LY6E: variants seen among roughly 807,000 people sequenced by gnomAD.
LY6E encodes lymphocyte antigen 6 family member E, also known as lymphocyte antigen 6E.
In LY6E, 4 loss-of-function variants were observed where a neutral mutation model predicts 7.7. The ratio of observed to expected loss-of-function variants is 0.52; its 90% CI spans 0.25 to 1.18. LY6E has a LOEUF of 1.18. LY6E is among the 50% of genes most tolerant of loss of function. The pLI is 0.14. For synonymous variants in LY6E, 81 were observed against 80.1 expected, an observed-to-expected ratio of 1.01 and a Z score of -0.06; for missense variants, 156 against 168.0, an observed-to-expected ratio of 0.93 and a Z score of 0.40.
Position 143,021,612 on chromosome 8 carries a change from G to C in LY6E, c.219G>C (p.Pro73=), listed in dbSNP as rs777002102. Residue 73 remains proline (P), a synonymous_variant, in exon 4 of 4, where the codon CCG becomes CCC. Transcript: ENST00000292494. The stretch of plus-strand genomic sequence containing the variant: ...ACAGCCTGAGCAAGACCTGTTCCCC[G>C]GCCTGCCCCATCCCAGAAGGCGTCA... ...FGHSLSKTCS[P]ACPIPEGVNV... is the part of the protein sequence containing the mutation. 6.2e-7 allele frequency: 1 copy of C among 1,613,998 alleles called. No individual in the cohort carries two copies. Among genetic ancestry groups the C allele is most frequent in the Admixed American group, 1.7e-5 (1 of 60,018 alleles).
chr8:143,019,583 G>A (rs1048637639), intron 1 of LY6E, among the ~76,000 whole-genome samples: 10 of 152,230 alleles, frequency 6.6e-5, no homozygotes, highest in African/African-American at 1.4e-4. Flanking sequence ...TGGAGGCGGG[G>A]ATAGGCCCCA....
At chr8:143,019,497 C>T (rs1420334819) in intron 1 of LY6E, among the ~76,000 whole-genome samples, 1 of 152,180 alleles carries the variant, frequency 6.6e-6, no homozygotes, top group African/African-American at 2.4e-5. Flanking sequence ...GCTCAGGGAC[C>T]CCCCCACACC....
intron 1 of LY6E, among the ~76,000 whole-genome samples, chr8:143,019,814 C>T (rs1383925541): frequency 1.3e-5 from 2 of 152,230 alleles, no homozygotes; most frequent in Admixed American, 6.5e-5. Flanking sequence ...CTGTCCCTGA[C>T]AGAAGGCAGC....
At position 143,021,007 on chromosome 8, in the gene LY6E, G is replaced by T; in HGVS notation, c.52+16G>T. ...GTGGAGCGAGGTGAGGTGCCCTTGG[G>T]GACCCCAGACCTTTGTCCAGCTGTG... On this transcript the variant is annotated intron_variant, in intron 2 of 3. Transcript: ENST00000292494. 7 of 1,581,496 alleles carry T rather than the reference G, an allele frequency of 4.4e-6. No individual in the cohort carries two copies. The highest frequency in any genetic ancestry group is 6.0e-6 in the Non-Finnish European group (7 of 1,164,098).
rs1419704405 is a variant in LY6E, at chr8:143,021,930, C to T, written c.*141C>T. 3 of 724,856 alleles carry T rather than the reference C, an allele frequency of 4.1e-6. No individual in the cohort carries two copies. Among genetic ancestry groups the T allele is most frequent in the Non-Finnish European group, 6.7e-6 (3 of 450,496 alleles). 44.9% of individuals were successfully genotyped at this position (724,856 alleles called of 1,614,324 possible). ...CCCAGGTCAGGCCCACCCCCTGCAC[C>T]TCCACCTGCCCCAGCCCCTGCCTCT... On this transcript the variant is annotated 3_prime_UTR_variant, in exon 4 of 4. Transcript: ENST00000292494.
Position 143,021,666 on chromosome 8 carries a change from C to T in LY6E, c.273C>T (p.Ser91=). Residue 91 remains serine, a synonymous_variant, in exon 4 of 4, where the codon AGC becomes AGT. Coordinates refer to ENST00000292494, the MANE Select transcript of LY6E (RefSeq NM_002346.3). ...VNVGVASMGI[S]CCQSFLCNFS... Reference sequence around the variant, plus strand: ...TTGGTGTGGCTTCCATGGGCATCAGCTGCTGCCAGAGCTTTCTGTGCAATT... The same window carrying T: ...TTGGTGTGGCTTCCATGGGCATCAGTTGCTGCCAGAGCTTTCTGTGCAATT... 6.2e-7 allele frequency: 1 copy of T among 1,613,800 alleles called. No homozygotes were observed. Among genetic ancestry groups the T allele is most frequent in the Non-Finnish European group, 8.5e-7 (1 of 1,180,024 alleles).
chr8:143,021,155 G>C (rs114862285), intron 2 of LY6E, among the ~76,000 whole-genome samples, 159 bp from the exon 3 acceptor site: 1 of 152,156 alleles, frequency 6.6e-6, no homozygotes, highest in African/African-American at 2.4e-5. Context: ...TTTGAGTGTC[G>C]CTTGACCTGC....
Position 143,021,708 on chromosome 8 carries a change from C to T in LY6E, c.315C>T (p.Gly105=), listed in dbSNP as rs11547126. The change falls in exon 4 of 4, where the codon GGC becomes GGT. Residue 105 remains glycine (G), a synonymous_variant. Transcript: ENST00000292494. The stretch of plus-strand genomic sequence containing the variant: ...TGTGCAATTTCAGTGCGGCCGATGG[C>T]GGGCTGCGGGCAAGCGTCACCCTGC... The part of the protein sequence containing the change: ...SFLCNFSAAD[G]GLRASVTLLG... The T allele has an allele frequency of 0.01, 16,449 of 1,613,424 alleles. 129 individuals are homozygous for T. Among genetic ancestry groups the T allele is most frequent in the Non-Finnish European group, 0.011 (13,350 of 1,180,024 alleles).
rs1276292947 is a variant in LY6E at position 143,021,882 on chromosome 8, C to T, written c.*93C>T. On this transcript the variant is annotated 3_prime_UTR_variant, in exon 4 of 4. Coordinates refer to ENST00000292494, the MANE Select transcript of LY6E (RefSeq NM_002346.3). ...GTGTATGGGAGCCCCTGACTCCTCA[C>T]GTGCCTGATCTGTGCCCTTGGTCCC... The T allele has an allele frequency of 6.0e-6, 7 of 1,161,258 alleles. No homozygotes were observed. Among genetic ancestry groups the T allele is most frequent in the South Asian group, 3.0e-5 (2 of 66,324 alleles). 71.9% of individuals were successfully genotyped at this position (1,161,258 alleles called of 1,614,324 possible).
At position 143,020,953 on chromosome 8, in the gene LY6E, T is replaced by TG; in HGVS notation, c.15dup (p.Pro6AlafsTer49). The TG allele has an allele frequency of 6.2e-7, 1 of 1,613,976 alleles. No individual in the cohort carries two copies. The highest frequency in any genetic ancestry group is 8.5e-7 in the Non-Finnish European group (1 of 1,179,990). ...ATCCTCTCCAGAATGAAGATCTTCT[T>TG]GCCAGTGCTGCTGGCTGCCCTTCTG... is the stretch of plus-strand genomic sequence containing the variant. On this transcript the variant is annotated frameshift_variant, in exon 2 of 4. Transcript: ENST00000292494. LOFTEE classifies it high-confidence loss of function.
At chr8:143,020,781 C>T in intron 1 of LY6E, 102 bp from the exon 2 acceptor site, 2 of 649,576 alleles carry the variant, frequency 3.1e-6, no homozygotes, top group South Asian at 1.8e-5. Context: ...CTGGCAGGTC[C>T]CTTCCCCTCT....
rs752818340 is a variant in LY6E, at chr8:143,021,742, G to A, written c.349G>A (p.Gly117Arg). Residue 117 changes from glycine (G) to arginine (R), a missense_variant, in exon 4 of 4, where the codon GGG becomes AGG. Gly to Arg is a moderately radical substitution (Grantham distance 125). Transcript: ENST00000292494. ...GGCAAGCGTCACCCTGCTGGGTGCC[G>A]GGCTGCTGCTGAGCCTGCTGCCGGC... is the stretch of plus-strand genomic sequence containing the variant. ...LRASVTLLGA[G>R]LLLSLLPALL... 28 of 1,611,710 alleles carry A rather than the reference G, an allele frequency of 1.7e-5. No individual in the cohort carries two copies. Among genetic ancestry groups the A allele is most frequent in the Admixed American group, 3.3e-5 (2 of 59,956 alleles).
rs1165583897 is a variant in LY6E, at chr8:143,022,135, G to A, written c.*346G>A. 9.6e-6 allele frequency: 4 copies of A among 417,038 alleles called. 1 individual carries two copies. Among genetic ancestry groups the A allele is most frequent in the East Asian group, 8.2e-5 (2 of 24,284 alleles). 25.8% of individuals were successfully genotyped at this position (417,038 alleles called of 1,614,324 possible). A position where few individuals can be genotyped will look rare whatever the true frequency, so the allele number is the denominator to read the frequency against. ...TCAGTAGGGATGTGTGCCTGGCTGT[G>A]TACGTGGGTGTGCAGTGCACGTGAG... On this transcript the variant is annotated 3_prime_UTR_variant, in exon 4 of 4. Coordinates refer to ENST00000292494, the MANE Select transcript of LY6E (RefSeq NM_002346.3).
rs1819224340 is a variant in LY6E at position 143,021,562 on chromosome 8, G to A, written c.173-4G>A. 1 of 1,613,630 alleles carries A rather than the reference G, an allele frequency of 6.2e-7. No homozygotes were observed. The highest frequency in any genetic ancestry group is 1.3e-5 in the African/African-American group (1 of 75,036). ...CTCCCCTGACAGCCTCATTTCCCAT[G>A]CAGGGAATCTCGTGACATTTGGCCA... On this transcript the variant is annotated splice_region_variant and splice_polypyrimidine_tract_variant and intron_variant, in intron 3 of 3. Coordinates refer to ENST00000292494, the MANE Select transcript of LY6E (RefSeq NM_002346.3).
rs757110771 is a variant in LY6E at position 143,021,748 on chromosome 8, C to T, written c.355C>T (p.Leu119=). ...CGTCACCCTGCTGGGTGCCGGGCTG[C>T]TGCTGAGCCTGCTGCCGGCCCTGCT... The part of the protein sequence containing the change: ...ASVTLLGAGL[L]LSLLPALLRF... The change falls in exon 4 of 4, where the codon CTG becomes TTG. Residue 119 remains leucine (L), a synonymous_variant. Coordinates refer to ENST00000292494, the MANE Select transcript of LY6E (RefSeq NM_002346.3). 1.9e-6 allele frequency: 3 copies of T among 1,610,466 alleles called. No homozygotes were observed. Among genetic ancestry groups the T allele is most frequent in the Non-Finnish European group, 2.5e-6 (3 of 1,179,078 alleles).
chr8:143,021,859 G>C lies in LY6E; in HGVS notation c.*70G>C. The C allele has an allele frequency of 7.2e-7, 1 of 1,383,452 alleles. No individual in the cohort carries two copies. Among genetic ancestry groups the C allele is most frequent in the Non-Finnish European group, 9.8e-7 (1 of 1,020,746 alleles). The allele number at this position is 1,383,452 out of a possible 1,614,324, so 85.7% of individuals were successfully genotyped here. On this transcript the variant is annotated 3_prime_UTR_variant, in exon 4 of 4. Transcript: ENST00000292494. ...CCCAGCCCTTTCTGGATCCCACAGT[G>C]TATGGGAGCCCCTGACTCCTCACGT...
chr8:143,021,172 G>T, intron 2 of LY6E, 142 bp from the exon 3 acceptor site: 1 of 1,297,512 alleles, frequency 7.7e-7, no homozygotes. Flanking sequence ...CTGCTCGACG[G>T]CCAGGGTGGG....
intron 1 of LY6E, among the ~76,000 whole-genome samples, chr8:143,019,989 A>C (rs1819178430): frequency 6.6e-6 from 1 of 152,182 alleles, no homozygotes; most frequent in South Asian, 2.1e-4. Context: ...AGTGGCACGC[A>C]GCCTTGTCTC....
At chr8:143,020,552 T>G (rs961140199) in intron 1 of LY6E, among the ~76,000 whole-genome samples, 3 of 152,188 alleles carry the variant, frequency 2.0e-5, no homozygotes, top group Admixed American at 1.3e-4. Context: ...GCTAATATTA[T>G]GACTGATCAC....
Sources: gnomAD v4.1 joint callset for allele counts (sites outside exome capture counted in the v4.1 genomes callset) on GRCh38, gnomAD v4.1.1 for gene constraint, MANE v1.5 for transcripts, NCBI Gene and HGNC (gene_info 2026-07-23, HGNC 2026-07-21) for gene names.